The following STK32B variants were observed in gnomAD, a reference collection of about 807,000 sequenced individuals.
STK32B encodes the protein serine/threonine kinase 32B.
A neutral mutation model predicts 52.6 loss-of-function variants in STK32B; 43 were observed. That is an observed-to-expected ratio of 0.82 (90% CI 0.64 to 1.05). The LOEUF (loss-of-function observed/expected upper bound fraction) is 1.05, where lower values mean the gene tolerates loss of function less well. Ranked by LOEUF, STK32B falls within the 50% of genes least tolerant of loss-of-function variation. The probability of loss-of-function intolerance (pLI) is 0.00; values close to 1 mark genes in which losing one functional copy is unlikely to be tolerated. For missense variants in STK32B, 621 were observed against 534.6 expected, an observed-to-expected ratio of 1.16 and a Z score of -1.59; for synonymous variants, 238 against 204.3, an observed-to-expected ratio of 1.17 and a Z score of -1.41.
At chr4:5,401,138 A>G (rs951793377) in intron 5 of STK32B, among the ~76,000 whole-genome samples, 2 of 152,202 alleles carry the variant, frequency 1.3e-5, no homozygotes, top group African/African-American at 2.4e-5. Flanking sequence ...TTGTAGGTTT[A>G]TAACATTTAA....
chr4:5,173,007 G>T (rs927378254), intron 3 of STK32B, among the ~76,000 whole-genome samples: 29 of 152,322 alleles, frequency 1.9e-4, no homozygotes, highest in African/African-American at 7.0e-4. Context: ...GGTCTATTCA[G>T]AGATTCAAAT....
At chr4:5,185,554 G>A (rs1265507174) in intron 3 of STK32B, among the ~76,000 whole-genome samples, 4 of 152,188 alleles carry the variant, frequency 2.6e-5, no homozygotes, top group African/African-American at 4.8e-5. Flanking sequence ...ACGTGGGGGA[G>A]GACAGAGACT....
At chr4:5,153,728 A>G (rs1258291347) in intron 2 of STK32B, among the ~76,000 whole-genome samples, 3 of 152,236 alleles carry the variant, frequency 2.0e-5, no homozygotes, top group East Asian at 3.8e-4. Flanking sequence ...CAGATTTACT[A>G]TGAATAAACA....
At position 5,168,350 on chromosome 4, in the gene STK32B, A is replaced by G. The variant is rs775454756; in HGVS notation, c.160A>G (p.Met54Val). Residue 54 changes from methionine (M) to valine (V), a missense_variant, in exon 3 of 12, where the codon ATG becomes GTG. Met to Val is a conservative substitution (Grantham distance 21). Coordinates refer to ENST00000282908, the MANE Select transcript of STK32B (RefSeq NM_018401.3). Reference protein sequence around the residue: ...DTKKMYAMKYMNKQKCIERDE... With the variant: ...DTKKMYAMKYVNKQKCIERDE... ...TAAGAAAATGTATGCAATGAAGTAC[A>G]TGAACAAGCAGAAGTGCATCGAGAG... 3 of 1,613,898 alleles carry G rather than the reference A, an allele frequency of 1.9e-6. No homozygotes were observed. Among genetic ancestry groups the G allele is most frequent in the East Asian group, 2.2e-5 (1 of 44,826 alleles).
At chr4:5,291,659 C>A (rs1404694210) in intron 3 of STK32B, among the ~76,000 whole-genome samples, 1 of 152,054 alleles carries the variant, frequency 6.6e-6, no homozygotes, top group African/African-American at 2.4e-5. Context: ...TTCCTATTTT[C>A]CCTGACTATA....
At chr4:5,215,179 T>G (rs1446894312) in intron 3 of STK32B, among the ~76,000 whole-genome samples, 1 of 152,202 alleles carries the variant, frequency 6.6e-6, no homozygotes, top group African/African-American at 2.4e-5. Context: ...CCTTCTGCAG[T>G]GGGCCCAGAG....
chr4:5,390,508 A>C (rs562133545), intron 4 of STK32B, among the ~76,000 whole-genome samples: 45 of 152,140 alleles, frequency 3.0e-4, no homozygotes, highest in Non-Finnish European at 6.6e-4. Context: ...TATTTTCAGT[A>C]ACCCTTTTCT....
intron 1 of STK32B, among the ~76,000 whole-genome samples, chr4:5,101,859 A>C (rs1713805441): frequency 6.6e-6 from 1 of 152,202 alleles, no homozygotes; most frequent in African/African-American, 2.4e-5. Flanking sequence ...GCTCAATGTC[A>C]TGTGGTAGTT....
At chr4:5,139,633 G>T (rs188510973) in intron 1 of STK32B, 7 of 453,004 alleles carry the variant, frequency 1.5e-5, no homozygotes, top group Non-Finnish European at 2.4e-5. Context: ...AGGCAGAAGT[G>T]GGGTAGAGAG....
intron 3 of STK32B, among the ~76,000 whole-genome samples, chr4:5,255,006 C>G (rs1229141075): frequency 1.4e-5 from 2 of 145,288 alleles, no homozygotes; most frequent in African/African-American, 5.4e-5. Context: ...GCACATGAGG[C>G]CTTTAACTAG....
At chr4:5,372,944 T>A (rs1560361935) in intron 4 of STK32B, among the ~76,000 whole-genome samples, 1 of 152,194 alleles carries the variant, frequency 6.6e-6, no homozygotes. Flanking sequence ...GAATCCTCAT[T>A]TCATTCATTT....
chr4:5,228,733 C>T (rs1346370071), intron 3 of STK32B, among the ~76,000 whole-genome samples: 5 of 152,002 alleles, frequency 3.3e-5, no homozygotes, highest in African/African-American at 4.8e-5. Flanking sequence ...TTTGGGAGGC[C>T]GAAAAGGGTG....
intron 2 of STK32B, among the ~76,000 whole-genome samples, chr4:5,166,840 C>T (rs1354583953): frequency 6.6e-6 from 1 of 152,154 alleles, no homozygotes; most frequent in African/African-American, 2.4e-5. Context: ...TTAGCCCATA[C>T]AATCCTTGCT....
At chr4:5,221,673 T>C (rs370344589) in intron 3 of STK32B, among the ~76,000 whole-genome samples, 1 of 151,986 alleles carries the variant, frequency 6.6e-6, no homozygotes, top group Non-Finnish European at 1.5e-5. Context: ...CTAGCCAACA[T>C]AGTGAAACGC....
At chr4:5,265,326 T>G (rs1726990299) in intron 3 of STK32B, among the ~76,000 whole-genome samples, 1 of 152,220 alleles carries the variant, frequency 6.6e-6, no homozygotes, top group South Asian at 2.1e-4. Context: ...CGTTAATTCT[T>G]TAATCCTTTT....
At chr4:5,148,883 T>A (rs1717125623) in intron 2 of STK32B, among the ~76,000 whole-genome samples, 1 of 151,854 alleles carries the variant, frequency 6.6e-6, no homozygotes, top group Non-Finnish European at 1.5e-5. Context: ...AATGTTTGCT[T>A]CTTATACGTT....
At chr4:5,476,460 G>C (rs1348607299) in intron 11 of STK32B, among the ~76,000 whole-genome samples, 1 of 152,160 alleles carries the variant, frequency 6.6e-6, no homozygotes, top group Non-Finnish European at 1.5e-5. Flanking sequence ...CAAACACTGA[G>C]GTGTTCTGAA....
chr4:5,050,351 G>A (rs571874829), upstream of STK32B, among the ~76,000 whole-genome samples: 11 of 152,296 alleles, frequency 7.2e-5, no homozygotes, highest in South Asian at 1.9e-3. Context: ...CCAGCTCTGG[G>A]TCATGGTGGG....
chr4:5,094,871 G>A (rs571123972), intron 1 of STK32B, among the ~76,000 whole-genome samples: 3 of 152,246 alleles, frequency 2.0e-5, no homozygotes, highest in African/African-American at 7.2e-5. Context: ...CCTCAATGAT[G>A]TCTGAATCAA....
Sources: gnomAD v4.1 joint callset for allele counts (sites outside exome capture counted in the v4.1 genomes callset) on GRCh38, gnomAD v4.1.1 for gene constraint, MANE v1.5 for transcripts, NCBI Gene and HGNC (gene_info 2026-07-23, HGNC 2026-07-21) for gene names.